Variants in XKR9 observed in about 807,000 individuals in gnomAD.
XKR9 encodes XK related 9.
In XKR9, 32 loss-of-function variants were observed where a neutral mutation model predicts 32.0. The ratio of observed to expected loss-of-function variants is 1.00; its 90% CI spans 0.76 to 1.34. The LOEUF is 1.34. XKR9 is among the 40% of genes most tolerant of loss of function. The pLI, the probability that XKR9 is intolerant of heterozygous loss-of-function variation, is 0.00. For synonymous variants in XKR9, 168 were observed against 143.4 expected (o/e 1.17, Z -1.22); for missense variants, 546 against 429.7 (o/e 1.27, Z -2.39).
intron 2 of XKR9, among the ~76,000 whole-genome samples, chr8:70,750,825 T>A (rs1807129205): frequency 6.6e-6 from 1 of 152,230 alleles, no homozygotes; most frequent in South Asian, 2.1e-4. Flanking sequence ...ATTTTATGTG[T>A]CAATTTGGCT....
the XKR9 span, among the ~76,000 whole-genome samples, chr8:70,991,879 T>C: frequency 6.6e-6 from 1 of 151,912 alleles, no homozygotes; most frequent in African/African-American, 2.4e-5. Flanking sequence ...AAAGAAAGTA[T>C]TTCTGTCTTC....
At chr8:70,681,804 A>G (rs1202959338) in intron 3 of XKR9, among the ~76,000 whole-genome samples, 1 of 149,166 alleles carries the variant, frequency 6.7e-6, no homozygotes, top group East Asian at 1.9e-4. Context: ...TCATGTTGTT[A>G]TAGGTAGAGA....
the XKR9 span, among the ~76,000 whole-genome samples, chr8:71,002,463 T>G: frequency 6.6e-6 from 1 of 151,948 alleles, no homozygotes; most frequent in African/African-American, 2.4e-5. Flanking sequence ...CATAGTATAT[T>G]AGCTTTCCAA....
Position 70,741,290 on chromosome 8 carries a change from G to T in XKR9, n.352+34137G>T, listed in dbSNP as rs1290343434. 2.0e-5 allele frequency among the ~76,000 whole-genome samples: 3 copies of T among 152,318 alleles called. No homozygotes were observed. The East Asian group carries it at 5.8e-4, about 29-fold the overall frequency. On this transcript the variant is annotated intron_variant and non_coding_transcript_variant, in intron 2 of 3. Transcript: ENST00000520273. ...TATGAGAAGAGGAAGAGAGACCTGA[G>T]CTAGCACACTCTTGCTGTCACTATT...
chr8:70,838,778 C>G, the XKR9 span, among the ~76,000 whole-genome samples: 1 of 152,032 alleles, frequency 6.6e-6, no homozygotes, highest in Non-Finnish European at 1.5e-5. Flanking sequence ...GAAGTTTTTT[C>G]TACTGCACCG....
the XKR9 span, among the ~76,000 whole-genome samples, chr8:70,888,307 T>TA: frequency 2.0e-5 from 3 of 152,032 alleles, no homozygotes; most frequent in African/African-American, 4.8e-5. Flanking sequence ...CTTTTTTTTT[T>TA]AGTTGGCTAT....
chr8:70,755,860 T>C (rs1191767981), intron 2 of XKR9, among the ~76,000 whole-genome samples: 1 of 151,706 alleles, frequency 6.6e-6, no homozygotes, highest in Non-Finnish European at 1.5e-5. Context: ...TGTATACATA[T>C]GTAACTAATC....
At chr8:70,959,147 T>C in the XKR9 span, among the ~76,000 whole-genome samples, 1 of 152,184 alleles carries the variant, frequency 6.6e-6, no homozygotes. Flanking sequence ...TCTCTGTTGA[T>C]AGTTTTAAAA....
chr8:71,057,695 T>A, the XKR9 span, among the ~76,000 whole-genome samples: 1 of 152,116 alleles, frequency 6.6e-6, no homozygotes, highest in Non-Finnish European at 1.5e-5. Context: ...TTCCTGGAAA[T>A]GGAATTGGAG....
At chr8:70,944,984 G>A in the XKR9 span, among the ~76,000 whole-genome samples, 2 of 151,944 alleles carry the variant, frequency 1.3e-5, no homozygotes, top group African/African-American at 4.8e-5. Flanking sequence ...TTATCCATAG[G>A]GAATACAACA....
At chr8:70,995,020 T>C in the XKR9 span, among the ~76,000 whole-genome samples, 2 of 152,330 alleles carry the variant, frequency 1.3e-5, no homozygotes, top group Non-Finnish European at 2.9e-5. Flanking sequence ...CTAGAGTTGC[T>C]CTTGATTAAC....
chr8:70,997,522 C>T, the XKR9 span, among the ~76,000 whole-genome samples: 2 of 151,640 alleles, frequency 1.3e-5, no homozygotes, highest in Admixed American at 6.6e-5. Context: ...AATGGAAAAC[C>T]AAACATTGTA....
chr8:71,058,813 A>C, the XKR9 span, among the ~76,000 whole-genome samples: 1 of 152,230 alleles, frequency 6.6e-6, no homozygotes, highest in African/African-American at 2.4e-5. Context: ...GGGGTGATAC[A>C]AGACTGGCTG....
chr8:70,806,735 T>A, the XKR9 span, among the ~76,000 whole-genome samples: 1 of 150,392 alleles, frequency 6.6e-6, no homozygotes. Flanking sequence ...TGAAGAGGAA[T>A]GAAAAAAGAC....
At chr8:70,819,426 G>T in the XKR9 span, among the ~76,000 whole-genome samples, 2 of 152,166 alleles carry the variant, frequency 1.3e-5, no homozygotes, top group South Asian at 4.1e-4. Flanking sequence ...CTCCTTGAGG[G>T]ATGAGACTGT....
the XKR9 span, among the ~76,000 whole-genome samples, chr8:70,832,447 G>A: frequency 1.3e-5 from 2 of 152,184 alleles, no homozygotes; most frequent in Admixed American, 1.3e-4. Flanking sequence ...GAATTTCCAT[G>A]ACATAGACAA....
At chr8:70,839,034 A>T in the XKR9 span, among the ~76,000 whole-genome samples, 1 of 152,190 alleles carries the variant, frequency 6.6e-6, no homozygotes, top group African/African-American at 2.4e-5. Context: ...TTATGAGGTA[A>T]GATAGTATAA....
the XKR9 span, among the ~76,000 whole-genome samples, chr8:71,035,149 G>T: frequency 1.1e-3 from 169 of 152,194 alleles, no homozygotes; most frequent in Non-Finnish European, 2.0e-3. Flanking sequence ...ACATTTTATT[G>T]CTGTCATTGC....
At chr8:70,851,435 T>C in the XKR9 span, among the ~76,000 whole-genome samples, 1 of 152,150 alleles carries the variant, frequency 6.6e-6, no homozygotes, top group Non-Finnish European at 1.5e-5. Context: ...AAAACTACTT[T>C]AAATTTCATA....
Sources: allele counts gnomAD v4.1 joint callset (sites outside exome capture counted in the v4.1 genomes callset), GRCh38; gene constraint gnomAD v4.1.1; transcripts MANE v1.5; gene names NCBI Gene and HGNC (gene_info 2026-07-23, HGNC 2026-07-21).